SVIL: variants seen among roughly 807,000 people sequenced by gnomAD.
SVIL encodes the protein archvillin.
SVIL carries 101 observed loss-of-function variants against 240.4 expected under a neutral mutation model. That is an observed-to-expected ratio of 0.42 (90% CI 0.36 to 0.50). The LOEUF (loss-of-function observed/expected upper bound fraction) is 0.50. Ranked by LOEUF, SVIL falls within the 20% of genes least tolerant of loss-of-function variation. The probability of loss-of-function intolerance (pLI) is 0.01; values close to 1 mark genes in which losing one functional copy is unlikely to be tolerated. For synonymous variants in SVIL, 999 were observed against 1,100.0 expected, an observed-to-expected ratio of 0.91 and a Z score of 1.82; for missense variants, 2,512 against 2,818.7, an observed-to-expected ratio of 0.89 and a Z score of 2.46.
At position 29,696,636 on chromosome 10, in the gene SVIL, C is replaced by T. The variant is rs892868049; in HGVS notation, c.-399-9985G>A. ...CTGGGATGTGAGGAGCGCCTCGGCC[C>T]GGCCGCGACCCCGTTTGGGAGGTGA... On this transcript the variant is annotated intron_variant, in intron 1 of 35. Coordinates refer to the SVIL transcript ENST00000375400. 2.9e-4 allele frequency among the ~76,000 whole-genome samples: 44 copies of T among 151,258 alleles called. 2 individuals are homozygous for T. Among genetic ancestry groups the T allele is most frequent in the South Asian group, 6.3e-4 (3 of 4,778 alleles).
chr10:29,677,214 TC>T (rs752443934), intron 2 of SVIL, among the ~76,000 whole-genome samples: 5 of 152,132 alleles, frequency 3.3e-5, no homozygotes, highest in Non-Finnish European at 5.9e-5. Flanking sequence ...TGCTGGGAAC[TC>T]AGATGCCACA....
chr10:29,489,832 G>A (rs568521835), intron 22 of SVIL, among the ~76,000 whole-genome samples: 3 of 152,132 alleles, frequency 2.0e-5, no homozygotes, highest in African/African-American at 7.2e-5. Flanking sequence ...ACAGGCATGA[G>A]CCACCATGCC....
chr10:29,605,035 C>G (rs1393284869), intron 1 of SVIL, among the ~76,000 whole-genome samples: 2 of 152,088 alleles, frequency 1.3e-5, no homozygotes, highest in African/African-American at 4.8e-5. Flanking sequence ...CTTGTTTGTC[C>G]TTATGGAGTT....
chr10:29,565,269 C>T (rs888977118), intron 2 of SVIL, among the ~76,000 whole-genome samples: 6 of 152,272 alleles, frequency 3.9e-5, no homozygotes, highest in Middle Eastern at 3.4e-3. Flanking sequence ...TTAAATACTC[C>T]GCTGAATTTA....
chr10:29,663,425 GT>G (rs1180327568), intron 2 of SVIL, among the ~76,000 whole-genome samples: 7 of 152,076 alleles, frequency 4.6e-5, no homozygotes, highest in Admixed American at 2.0e-4. Flanking sequence ...GTCTCCCTCT[GT>G]TGCCCAGGCT....
chr10:29,609,280 T>C (rs1284812111), intron 1 of SVIL, among the ~76,000 whole-genome samples: 1 of 152,156 alleles, frequency 6.6e-6, no homozygotes, highest in East Asian at 1.9e-4. Context: ...TCCTGGGCTA[T>C]GGGAGTAAAG....
intron 17 of SVIL, among the ~76,000 whole-genome samples, chr10:29,506,184 A>G (rs2132458906): frequency 6.6e-6 from 1 of 152,278 alleles, no homozygotes; most frequent in East Asian, 1.9e-4. Flanking sequence ...GTATACACTT[A>G]AAGACTTCAG....
intron 32 of SVIL, among the ~76,000 whole-genome samples, chr10:29,469,593 G>C (rs956214099): frequency 7.9e-5 from 12 of 152,148 alleles, no homozygotes; most frequent in African/African-American, 2.7e-4. Context: ...CCACCTTACC[G>C]GGGGGGCCGG....
At chr10:29,477,936 C>G (rs1946380995) in intron 29 of SVIL, among the ~76,000 whole-genome samples, 1 of 152,220 alleles carries the variant, frequency 6.6e-6, no homozygotes, top group Non-Finnish European at 1.5e-5. Context: ...AATTAATTCA[C>G]TTTAACAGTT....
intron 17 of SVIL, among the ~76,000 whole-genome samples, chr10:29,504,668 G>A (rs559819085): frequency 5.9e-5 from 9 of 152,102 alleles, no homozygotes; most frequent in Non-Finnish European, 1.2e-4. Flanking sequence ...CATCAATTAG[G>A]ATGGCAAAAA....
intron 2 of SVIL, among the ~76,000 whole-genome samples, chr10:29,681,497 TA>T (rs1960652086): frequency 1.3e-5 from 2 of 150,512 alleles, no homozygotes; most frequent in South Asian, 4.2e-4. Context: ...ATAAGAAGCA[TA>T]AGTTCATGAT....
chr10:29,496,584 T>A, intron 18 of SVIL: 2 of 344,264 alleles, frequency 5.8e-6, no homozygotes, highest in Non-Finnish European at 1.1e-5. Context: ...GTTCAGGCAG[T>A]GGCACTATGC....
At chr10:29,482,615 TTTC>T (rs34898575) in intron 27 of SVIL, among the ~76,000 whole-genome samples, 41,999 of 151,982 alleles carry the variant, frequency 0.28, 6,205 homozygotes, top group East Asian at 0.54. Flanking sequence ...TGTGCACTTA[TTTC>T]TAGGCCACTG....
Position 29,551,140 on chromosome 10 carries a change from G to T in SVIL, c.284C>A (p.Thr95Asn). Residue 95 changes from threonine (T) to asparagine (N), a missense_variant, in exon 6 of 38, where the codon ACC (threonine) becomes AAC (asparagine). Transcript: ENST00000355867. Reference protein sequence around the residue: ...DSPYGSGTMDTHSLESKAERI... With the variant: ...DSPYGSGTMDNHSLESKAERI... Reference sequence around the variant, plus strand: ...TTCGGCTTTGGACTCCAGACTGTGGGTGTCCATGGTACCCGAACCATAGGG... The same window carrying T: ...TTCGGCTTTGGACTCCAGACTGTGGTTGTCCATGGTACCCGAACCATAGGG... 2 of 1,614,138 alleles carry T rather than the reference G, an allele frequency of 1.2e-6. No individual in the cohort carries two copies. Among genetic ancestry groups the T allele is most frequent in the South Asian group, 1.1e-5 (1 of 91,086 alleles).
upstream of SVIL, among the ~76,000 whole-genome samples, chr10:29,638,320 G>A (rs1291677262): frequency 6.6e-6 from 1 of 152,006 alleles, no homozygotes; most frequent in Non-Finnish European, 1.5e-5. Flanking sequence ...AAATTAGCCA[G>A]GCATGGTGGC....
chr10:29,549,297 A>G (rs1218864440), intron 6 of SVIL, among the ~76,000 whole-genome samples: 3 of 146,250 alleles, frequency 2.1e-5, no homozygotes, highest in African/African-American at 7.6e-5. Flanking sequence ...GCCATCAGAG[A>G]AATGCAAATC....
intron 2 of SVIL, among the ~76,000 whole-genome samples, chr10:29,671,288 G>A (rs1275136658): frequency 2.6e-5 from 4 of 152,214 alleles, no homozygotes; most frequent in African/African-American, 7.2e-5. Context: ...ACGTAGCCCC[G>A]GGATAGATGC....
intron 2 of SVIL, among the ~76,000 whole-genome samples, chr10:29,564,989 A>T (rs540754197): frequency 6.6e-6 from 1 of 152,166 alleles, no homozygotes; most frequent in African/African-American, 2.4e-5. Flanking sequence ...TGTTATTTTA[A>T]TTGATTATTT....
intron 3 of SVIL, among the ~76,000 whole-genome samples, chr10:29,558,244 A>G (rs1175565177): frequency 1.3e-5 from 2 of 152,222 alleles, no homozygotes; most frequent in Non-Finnish European, 2.9e-5. Flanking sequence ...GCTAGAATCC[A>G]TCAACATAGT....
Sources: allele counts gnomAD v4.1 joint callset (sites outside exome capture counted in the v4.1 genomes callset), GRCh38; gene constraint gnomAD v4.1.1; transcripts MANE v1.5; gene names NCBI Gene and HGNC (gene_info 2026-07-23, HGNC 2026-07-21).